STARD9: variants seen among roughly 807,000 people sequenced by gnomAD.
STARD9 encodes StAR related lipid transfer domain containing 9.
In STARD9, 346 loss-of-function variants were observed where a neutral mutation model predicts 399.8. The observed-to-expected ratio is 0.87, with a 90% CI of 0.79 to 0.95. The LOEUF is 0.95. STARD9 is among the 40% of genes least tolerant of loss of function. The pLI is 0.00. For synonymous variants in STARD9, 2,203 were observed against 2,143.5 expected (o/e 1.03, Z -0.77); for missense variants, 5,832 against 5,667.5 (o/e 1.03, Z -0.93).
chr15:42,718,394 GTCCATGGGCCTCCTGACCTTCCTTA>G lies in STARD9; in HGVS notation c.13763-37_13763-13del, dbSNP rs2061390468. ...CCAGGAAGGCTTTAGGACTAGGTCT[GTCCATGGGCCTCCTGACCTTCCTTA>G]TCCCTGTCCCTCCAGTGTACTTGGT... On this transcript the variant is annotated splice_polypyrimidine_tract_variant and intron_variant, in intron 30 of 32. Transcript: ENST00000290607. 3 of 1,494,550 alleles carry G rather than the reference GTCCATGGGCCTCCTGACCTTCCTTA, an allele frequency of 2.0e-6. No homozygotes were observed. The highest frequency in any genetic ancestry group is 2.8e-5 in the African/African-American group (2 of 72,098). 92.6% of individuals were successfully genotyped at this position (1,494,550 alleles called of 1,614,324 possible).
intron 26 of STARD9, among the ~76,000 whole-genome samples, chr15:42,709,961 G>A (rs2061174776): frequency 6.6e-6 from 1 of 151,302 alleles, no homozygotes; most frequent in Admixed American, 6.6e-5. Context: ...ATTCAATACA[G>A]TACTGTCATT....
intron 26 of STARD9, among the ~76,000 whole-genome samples, chr15:42,708,496 GT>G (rs1201682217): frequency 2.0e-5 from 3 of 152,280 alleles, no homozygotes; most frequent in Admixed American, 2.0e-4. Flanking sequence ...CACAGAAAAA[GT>G]TTTGCCAGCC....
intron 3 of STARD9, among the ~76,000 whole-genome samples, chr15:42,615,192 TAG>T (rs1275589551): frequency 1.3e-5 from 2 of 151,880 alleles, no homozygotes; most frequent in African/African-American, 2.4e-5. Context: ...GTATTTTTAG[TAG>T]AGAGAGCGTT....
chr15:42,693,094 ATGCTTTCC>A lies in STARD9; in HGVS notation c.11520_11527del (p.Phe3841SerfsTer62). 6.5e-7 allele frequency: 1 copy of A among 1,536,934 alleles called. No homozygotes were observed. Among genetic ancestry groups the A allele is most frequent in the Non-Finnish European group, 8.7e-7 (1 of 1,146,844 alleles). ...CCTTCTGTGAGCCCCTCAGTTTCTG[ATGCTTTCC>A]TGCCTCCCAGCTCCCAGCCAGAGGA... On this transcript the variant is annotated frameshift_variant, in exon 23 of 33. Coordinates refer to ENST00000290607, the MANE Select transcript of STARD9 (RefSeq NM_020759.3). LOFTEE classifies it high-confidence loss of function.
At chr15:42,712,379 G>A (rs2061259646) in intron 26 of STARD9, among the ~76,000 whole-genome samples, 1 of 150,982 alleles carries the variant, frequency 6.6e-6, no homozygotes, top group African/African-American at 2.4e-5. Context: ...TCATATCTAA[G>A]AAACGAGTGC....
Position 42,687,121 on chromosome 15 carries a change from ATTC to A in STARD9, c.5548_5550del (p.Ser1850del), listed in dbSNP as rs751801947. On this transcript the variant is annotated inframe_deletion, in exon 23 of 33. Transcript: ENST00000290607. ...ACAGAAGAAAGCCATGATTCAGTTTATTCTTCTGTTACTCAGAACAGACATTTT... is the reference window on the plus strand; with the variant it reads ...ACAGAAGAAAGCCATGATTCAGTTTATTCTGTTACTCAGAACAGACATTTT... 27 of 1,537,298 alleles carry A rather than the reference ATTC, an allele frequency of 1.8e-5. No individual in the cohort carries two copies. The East Asian group carries it at 2.2e-4, about 13-fold the overall frequency.
intron 26 of STARD9, among the ~76,000 whole-genome samples, chr15:42,697,089 T>C (rs2060862294): frequency 2.0e-5 from 3 of 152,232 alleles, no homozygotes; most frequent in Non-Finnish European, 4.4e-5. Context: ...TCCTATTTGC[T>C]TTCCCCAGAA....
chr15:42,712,099 TATATA>T (rs2061245984), intron 26 of STARD9, among the ~76,000 whole-genome samples: 1 of 2,432 alleles, frequency 4.1e-4, no homozygotes, highest in African/African-American at 1.6e-3. Context: ...ATATATATAA[TATATA>T]ATATATAATA....
intron 20 of STARD9, among the ~76,000 whole-genome samples, chr15:42,676,287 G>T (rs2060310591): frequency 1.3e-5 from 2 of 152,142 alleles, no homozygotes; most frequent in Admixed American, 1.3e-4. Flanking sequence ...TAGCTGTGCT[G>T]TGTTTGTGGA....
intron 3 of STARD9, among the ~76,000 whole-genome samples, chr15:42,619,213 C>T (rs143027158): frequency 6.6e-6 from 1 of 152,202 alleles, no homozygotes; most frequent in African/African-American, 2.4e-5. Context: ...TGAACAACTC[C>T]AGGAATTCCC....
chr15:42,600,207 G>A (rs1303696993), intron 3 of STARD9, among the ~76,000 whole-genome samples: 1 of 152,180 alleles, frequency 6.6e-6, no homozygotes, highest in Admixed American at 6.5e-5. Flanking sequence ...CAATGACAAA[G>A]TGGTTTCAGA....
chr15:42,675,597 C>T (rs532941416), intron 18 of STARD9, 67 bp from the exon 19 acceptor site: 16 of 1,230,472 alleles, frequency 1.3e-5, no homozygotes, highest in African/African-American at 9.0e-5. Context: ...AGAGCAGTGC[C>T]GTACACATAG....
chr15:42,635,143 C>T (rs1041837738), intron 4 of STARD9, among the ~76,000 whole-genome samples, 171 bp downstream of exon 4: 6 of 151,692 alleles, frequency 4.0e-5, no homozygotes, highest in African/African-American at 4.8e-5. Flanking sequence ...CAGTGGCTCA[C>T]GCCTGTAATC....
rs1341421372 is a variant in STARD9 at position 42,695,169 on chromosome 15, A to G, written c.12992A>G (p.His4331Arg). ...RSPESVSRSA[H>R]TPSDIELMLQ... ...CCAGAGTCAGTGTCAAGGTCAGCTCACACACCCTCTGACATAGAGTTGATG... is the reference window on the plus strand; with the variant it reads ...CCAGAGTCAGTGTCAAGGTCAGCTCGCACACCCTCTGACATAGAGTTGATG... Residue 4331 changes from histidine to arginine, a missense_variant, in exon 25 of 33, where the codon CAC becomes CGC. Physicochemically the swap from His to Arg is conservative, Grantham distance 29. This residue lies in a region of STARD9 where 5,828 missense variants were observed against 5,651.1 expected (regional missense o/e 1.03). Transcript: ENST00000290607. 6.5e-7 allele frequency: 1 copy of G among 1,535,772 alleles called. No individual in the cohort carries two copies.
At chr15:42,583,997 G>A (rs2058224873) in intron 2 of STARD9, among the ~76,000 whole-genome samples, 1 of 151,940 alleles carries the variant, frequency 6.6e-6, no homozygotes, top group East Asian at 1.9e-4. Flanking sequence ...ACTTCCTTCC[G>A]TACCCCTCAG....
intron 3 of STARD9, among the ~76,000 whole-genome samples, chr15:42,603,948 A>G (rs56801471): frequency 0.061 from 9,210 of 152,218 alleles, 670 homozygotes; most frequent in Admixed American, 0.15. Context: ...CCCTGACTGC[A>G]TGACTCCTGC....
chr15:42,618,234 T>C (rs1233737419), intron 3 of STARD9, among the ~76,000 whole-genome samples: 1 of 151,362 alleles, frequency 6.6e-6, no homozygotes, highest in Non-Finnish European at 1.5e-5. Flanking sequence ...CTGAGCTCAA[T>C]TGATCCTCTT....
At chr15:42,712,086 T>TATATA (rs1555410978) in intron 26 of STARD9, among the ~76,000 whole-genome samples, 6 of 31,288 alleles carry the variant, frequency 1.9e-4, no homozygotes, top group Admixed American at 9.7e-4. Context: ...ATATATTATA[T>TATATA]ATATATATAT....
chr15:42,705,964 G>A (rs1352024847), intron 26 of STARD9, among the ~76,000 whole-genome samples: 1 of 151,966 alleles, frequency 6.6e-6, no homozygotes, highest in Non-Finnish European at 1.5e-5. Flanking sequence ...TGTTGGCCAG[G>A]CTTTTCTCAA....
Sources: gnomAD v4.1 joint callset for allele counts (sites outside exome capture counted in the v4.1 genomes callset) on GRCh38, gnomAD v4.1.1 for gene constraint, gnomAD v4.1.1 regional missense constraint, MANE v1.5 for transcripts, NCBI Gene and HGNC (gene_info 2026-07-23, HGNC 2026-07-21) for gene names.